Variants in SLC45A4 observed in about 807,000 individuals in gnomAD.
The protein encoded by SLC45A4 is polyamine-transporter SLC45A4.
SLC45A4 carries 32 observed loss-of-function variants against 63.7 expected under a neutral mutation model. That is an observed-to-expected ratio of 0.50 (90% CI 0.38 to 0.67). SLC45A4 has a LOEUF of 0.67. Ranked by LOEUF, SLC45A4 falls within the 30% of genes least tolerant of loss-of-function variation. SLC45A4 has a pLI of 0.00. For synonymous variants in SLC45A4, 535 were observed against 510.0 expected, an observed-to-expected ratio of 1.05 and a Z score of -0.66; for missense variants, 1,027 against 1,157.7, an observed-to-expected ratio of 0.89 and a Z score of 1.64.
intron 2 of SLC45A4, chr8:141,228,393 GCAGGACGCTGGCGCTC>G (rs1827156184): frequency 6.7e-7 from 1 of 1,487,758 alleles, no homozygotes; most frequent in Non-Finnish European, 8.9e-7. Context: ...CCAGACCCAA[GCAGGACGCTGGCGCTC>G]CAGAAAGCCA....
At chr8:141,305,431 G>A (rs56102148) in intron 1 of SLC45A4, among the ~76,000 whole-genome samples, 14,744 of 152,220 alleles carry the variant, frequency 0.097, 847 homozygotes, top group Middle Eastern at 0.17. Flanking sequence ...CACTAAGTGC[G>A]CCTTCGTCAG....
In SLC45A4 at chr8:141,218,832, C is replaced by T. The variant is rs777539779; in HGVS notation, c.808G>A (p.Gly270Ser). The change falls in exon 5 of 9, where the codon GGC (glycine) becomes AGC (serine). Residue 270 changes from glycine to serine, a missense_variant. Physicochemically the swap from Gly to Ser is moderately conservative, Grantham distance 56. Transcript: ENST00000517878. ...TGCGGCTCGCCCCCATCCAGGGCGC[C>T]GGGCTCCTCAGCGCTGCGCTCCTGC... ...PQQERSAEEP[G>S]ALDGGEPHGV... is the part of the protein sequence containing the mutation. The T allele has an allele frequency of 9.9e-6, 16 of 1,613,028 alleles. No individual in the cohort carries two copies. Among genetic ancestry groups the T allele is most frequent in the Admixed American group, 3.3e-5 (2 of 60,000 alleles).
chr8:141,233,040 A>G (rs981384390), intron 2 of SLC45A4, among the ~76,000 whole-genome samples: 1 of 152,248 alleles, frequency 6.6e-6, no homozygotes, highest in Non-Finnish European at 1.5e-5. Context: ...CAGACACACC[A>G]AGGCGAAAGG....
chr8:141,295,261 G>A (rs1830503449), intron 1 of SLC45A4, among the ~76,000 whole-genome samples: 1 of 152,046 alleles, frequency 6.6e-6, no homozygotes, highest in African/African-American at 2.4e-5. Context: ...GGGCCCTGGG[G>A]CTCAGAGAAA....
intron 1 of SLC45A4, among the ~76,000 whole-genome samples, chr8:141,275,549 G>A (rs957596701): frequency 6.6e-6 from 1 of 151,700 alleles, no homozygotes; most frequent in Admixed American, 6.6e-5. Flanking sequence ...AGTGAACCAT[G>A]ACTCCACCTG....
At chr8:141,272,373 C>A (rs1468864509) in intron 1 of SLC45A4, among the ~76,000 whole-genome samples, 1 of 152,218 alleles carries the variant, frequency 6.6e-6, no homozygotes, top group Non-Finnish European at 1.5e-5. Context: ...TGGGCTCTGT[C>A]TCCCAGTGCA....
intron 1 of SLC45A4, among the ~76,000 whole-genome samples, chr8:141,280,241 G>C (rs1028176164): frequency 1.3e-5 from 2 of 152,190 alleles, no homozygotes; most frequent in Non-Finnish European, 2.9e-5. Flanking sequence ...TGCCCACCCT[G>C]TCCTGGGGTC....
chr8:141,283,367 T>C (rs1413613299), intron 1 of SLC45A4, among the ~76,000 whole-genome samples: 1 of 152,186 alleles, frequency 6.6e-6, no homozygotes, highest in Non-Finnish European at 1.5e-5. Flanking sequence ...CAGTCTCACG[T>C]CCTGGGAAGG....
intron 2 of SLC45A4, among the ~76,000 whole-genome samples, chr8:141,235,801 T>C (rs746934769): frequency 3.3e-5 from 5 of 152,168 alleles, no homozygotes; most frequent in Admixed American, 6.5e-5. Flanking sequence ...TGGACTGAAA[T>C]GTACGAAACA....
intron 1 of SLC45A4, among the ~76,000 whole-genome samples, chr8:141,299,733 CA>C (rs1206299950): frequency 3.9e-5 from 6 of 152,220 alleles, no homozygotes; most frequent in African/African-American, 1.4e-4. Context: ...CAGGTTAGGG[CA>C]GGAATTTCTA....
intron 1 of SLC45A4, among the ~76,000 whole-genome samples, chr8:141,268,715 C>CA (rs1233686074): frequency 6.6e-6 from 1 of 152,042 alleles, no homozygotes; most frequent in Non-Finnish European, 1.5e-5. Context: ...AGGAAGAAAC[C>CA]AAAACTCTTC....
chr8:141,287,427 C>A (rs1021160845), intron 1 of SLC45A4, among the ~76,000 whole-genome samples: 6 of 152,206 alleles, frequency 3.9e-5, no homozygotes, highest in African/African-American at 1.4e-4. Flanking sequence ...GCACGGAGCG[C>A]AGACTGTGCC....
At position 141,218,053 on chromosome 8, in the gene SLC45A4, GTAGAACACGGCCTCGGCGA is replaced by G; in HGVS notation, c.1568_1586del (p.Ile523ThrfsTer60). On this transcript the variant is annotated frameshift_variant, in exon 5 of 9. Coordinates refer to ENST00000517878, the MANE Select transcript of SLC45A4 (RefSeq NM_001286646.2). LOFTEE classifies it high-confidence loss of function. ...AGATGACCTGGCCCATGAAGTCGGT[GTAGAACACGGCCTCGGCGA>G]TGACAGAGAACCAGGTGAGGAGGTG... is the stretch of plus-strand genomic sequence containing the variant. 1 of 1,612,544 alleles carries G rather than the reference GTAGAACACGGCCTCGGCGA, an allele frequency of 6.2e-7. No individual in the cohort carries two copies. Among genetic ancestry groups the G allele is most frequent in the Non-Finnish European group, 8.5e-7 (1 of 1,179,878 alleles).
intron 2 of SLC45A4, among the ~76,000 whole-genome samples, chr8:141,244,768 G>T (rs1056802705): frequency 6.6e-6 from 1 of 152,140 alleles, no homozygotes; most frequent in Non-Finnish European, 1.5e-5. Context: ...GACAGACCCT[G>T]GAGTTGTCCA....
At chr8:141,236,123 A>C (rs12549914) in intron 2 of SLC45A4, among the ~76,000 whole-genome samples, 49,234 of 151,858 alleles carry the variant, frequency 0.32, 9,176 homozygotes, top group Non-Finnish European at 0.42. Context: ...AACAAAAACA[A>C]ACATGAGAGT....
intron 3 of SLC45A4, 32 bp downstream of exon 3, chr8:141,221,543 TTG>T (rs1345731208): frequency 1.4e-5 from 23 of 1,600,354 alleles, no homozygotes; most frequent in Non-Finnish European, 1.9e-5. Context: ...CCCGTCTGTG[TTG>T]TGAGGACACC....
chr8:141,279,514 T>C (rs1829856311), intron 1 of SLC45A4, among the ~76,000 whole-genome samples: 1 of 152,252 alleles, frequency 6.6e-6, no homozygotes, highest in Admixed American at 6.5e-5. Flanking sequence ...GGAGGCCAGC[T>C]TTCCCTCTGG....
At chr8:141,300,077 C>T (rs955674581) in intron 1 of SLC45A4, among the ~76,000 whole-genome samples, 5 of 152,212 alleles carry the variant, frequency 3.3e-5, no homozygotes, top group Admixed American at 2.0e-4. Flanking sequence ...ACGACATCAT[C>T]GCCTCCCCAA....
At chr8:141,265,590 G>C (rs1829234532) in intron 1 of SLC45A4, among the ~76,000 whole-genome samples, 1 of 152,196 alleles carries the variant, frequency 6.6e-6, no homozygotes, top group African/African-American at 2.4e-5. Flanking sequence ...TTCTTCTCTA[G>C]TACACAGCTG....
Sources: allele counts gnomAD v4.1 joint callset (sites outside exome capture counted in the v4.1 genomes callset), GRCh38; gene constraint gnomAD v4.1.1; transcripts MANE v1.5; gene names NCBI Gene and HGNC (gene_info 2026-07-23, HGNC 2026-07-21).